The following AOAH variants were observed in gnomAD, a reference collection of about 807,000 sequenced individuals.
AOAH encodes the protein acyloxyacyl hydrolase (neutrophil).
In AOAH, 64 loss-of-function variants were observed where a neutral mutation model predicts 92.2. That is an observed-to-expected ratio of 0.69 (90% CI 0.57 to 0.86). The LOEUF is 0.86. Ranked by LOEUF, AOAH falls within the 40% of genes least tolerant of loss-of-function variation. The pLI is 0.00. For missense variants in AOAH, 656 were observed against 694.6 expected, an observed-to-expected ratio of 0.94 and a Z score of 0.62; for synonymous variants, 263 against 254.5, an observed-to-expected ratio of 1.03 and a Z score of -0.32.
At chr7:36,546,531 G>A (rs963962634) in intron 15 of AOAH, among the ~76,000 whole-genome samples, 3 of 152,228 alleles carry the variant, frequency 2.0e-5, no homozygotes, top group Non-Finnish European at 2.9e-5. Flanking sequence ...GGAGAGGCTG[G>A]CACAGGTCTC....
chr7:36,720,338 AT>A (rs201307393), intron 1 of AOAH, among the ~76,000 whole-genome samples: 2,726 of 145,546 alleles, frequency 0.019, 81 homozygotes, highest in African/African-American at 0.061. Context: ...CTATATTTAC[AT>A]TTTTTTTTTT....
chr7:36,706,311 G>T (rs1181340473), intron 1 of AOAH, among the ~76,000 whole-genome samples: 1 of 152,122 alleles, frequency 6.6e-6, no homozygotes, highest in African/African-American at 2.4e-5. Context: ...CAGGTGCATT[G>T]TCAATGAGCA....
rs141532346 is a variant in AOAH, at chr7:36,524,012, C to T, written c.1523-1897G>A. Among the ~76,000 whole-genome samples the T allele has an allele frequency of 2.1e-3, 322 of 152,146 alleles. 1 individual carries two copies. The highest frequency in any genetic ancestry group is 7.3e-3 in the African/African-American group (305 of 41,510). ...AAATCAGCAACGATGCAGAAAGGCC[C>T]GGGCCAGGTGAAATGTCAGCCTCCC... On this transcript the variant is annotated intron_variant, in intron 19 of 20. Transcript: ENST00000617537.
Position 36,567,847 on chromosome 7 carries a change from CTTG to C in AOAH, c.1021+8724_1021+8726del, listed in dbSNP as rs1443878053. ...GATGGACTGCTCCCTCACGTCTACT[CTTG>C]TTAGGATATCTCCCAGAGGCGGCAT... On this transcript the variant is annotated intron_variant, in intron 13 of 20. Coordinates refer to ENST00000617537, the MANE Select transcript of AOAH (RefSeq NM_001637.4). Among the ~76,000 whole-genome samples, 4 of 152,222 alleles carry C rather than the reference CTTG, an allele frequency of 2.6e-5. No individual in the cohort carries two copies. The East Asian group carries it at 7.7e-4, about 29-fold the overall frequency.
At chr7:36,565,667 G>A (rs1787653688) in intron 13 of AOAH, among the ~76,000 whole-genome samples, 1 of 151,616 alleles carries the variant, frequency 6.6e-6, no homozygotes. Flanking sequence ...TGAGTAGCTG[G>A]GACTATAGGT....
intron 2 of AOAH, among the ~76,000 whole-genome samples, chr7:36,675,665 CCT>C (rs1314107548): frequency 2.0e-5 from 3 of 152,062 alleles, no homozygotes; most frequent in Non-Finnish European, 2.9e-5. Context: ...TTAATATTAC[CCT>C]GATACTAAAA....
At chr7:36,702,910 T>G (rs762255387) in intron 1 of AOAH, among the ~76,000 whole-genome samples, 4 of 152,174 alleles carry the variant, frequency 2.6e-5, no homozygotes, top group Non-Finnish European at 5.9e-5. Context: ...GTAGAACTTT[T>G]CAAAATTGGA....
intron 13 of AOAH, among the ~76,000 whole-genome samples, chr7:36,557,497 T>C (rs1307159370): frequency 5.3e-5 from 8 of 151,372 alleles, no homozygotes; most frequent in African/African-American, 7.3e-5. Flanking sequence ...ATCTTTGTGG[T>C]GTTCTCTGTA....
In AOAH at chr7:36,724,189, G is replaced by A; in HGVS notation, c.-41C>T. On this transcript the variant is annotated 5_prime_UTR_variant, in exon 1 of 21. Coordinates refer to ENST00000617537, the MANE Select transcript of AOAH (RefSeq NM_001637.4). ...CCCAAGTGATCACCCGGCTTTGGAA[G>A]CTCCCAACTGAGGGATGCTGGAGCT... 2 of 1,607,044 alleles carry A rather than the reference G, an allele frequency of 1.2e-6. No homozygotes were observed. Among genetic ancestry groups the A allele is most frequent in the Non-Finnish European group, 1.7e-6 (2 of 1,175,854 alleles).
At chr7:36,645,574 T>G (rs1794176529) in intron 4 of AOAH, among the ~76,000 whole-genome samples, 1 of 152,190 alleles carries the variant, frequency 6.6e-6, no homozygotes, top group African/African-American at 2.4e-5. Flanking sequence ...TAGTGGCATG[T>G]CTAGCCTTTG....
At chr7:36,639,137 C>T (rs1303779568) in intron 4 of AOAH, among the ~76,000 whole-genome samples, 1 of 152,226 alleles carries the variant, frequency 6.6e-6, no homozygotes, top group African/African-American at 2.4e-5. Flanking sequence ...ACAAAAGCTG[C>T]TTAGAGAATG....
At chr7:36,530,674 C>A in intron 18 of AOAH, 160 bp from the exon 19 acceptor site, 3 of 557,456 alleles carry the variant, frequency 5.4e-6, no homozygotes, top group Non-Finnish European at 6.4e-6. Context: ...ATTCTAGTCA[C>A]GTACAAATGG....
intron 16 of AOAH, among the ~76,000 whole-genome samples, chr7:36,538,871 C>T (rs1323122644): frequency 2.0e-5 from 3 of 152,224 alleles, no homozygotes; most frequent in African/African-American, 7.2e-5. Flanking sequence ...ATTTGTGATA[C>T]ATGAGTAACT....
chr7:36,527,861 C>T (rs1280981997), intron 19 of AOAH, among the ~76,000 whole-genome samples: 2 of 152,146 alleles, frequency 1.3e-5, no homozygotes, highest in Non-Finnish European at 2.9e-5. Context: ...GGGTGGTTAC[C>T]CACAGAGATG....
At chr7:36,710,239 T>C (rs2116955032) in intron 1 of AOAH, among the ~76,000 whole-genome samples, 1 of 152,324 alleles carries the variant, frequency 6.6e-6, no homozygotes, top group Non-Finnish European at 1.5e-5. Flanking sequence ...TCAGTTTATT[T>C]TGGGGTAATC....
At chr7:36,674,482 G>C (rs1584088411) in intron 2 of AOAH, among the ~76,000 whole-genome samples, 1 of 152,320 alleles carries the variant, frequency 6.6e-6, no homozygotes. Context: ...GAGGTAAAAG[G>C]AGATGACAGT....
intron 6 of AOAH, among the ~76,000 whole-genome samples, chr7:36,630,524 C>A (rs1438769393): frequency 6.6e-6 from 1 of 152,170 alleles, no homozygotes; most frequent in Non-Finnish European, 1.5e-5. Flanking sequence ...AGAAGGCGAG[C>A]AATGGGGTGG....
chr7:36,715,821 A>G (rs1209313231), intron 1 of AOAH, among the ~76,000 whole-genome samples: 1 of 151,904 alleles, frequency 6.6e-6, no homozygotes, highest in Non-Finnish European at 1.5e-5. Flanking sequence ...TACAAAAATT[A>G]ATTCAAGATG....
At chr7:36,618,080 T>A (rs369602418) in intron 10 of AOAH, among the ~76,000 whole-genome samples, 3 of 152,230 alleles carry the variant, frequency 2.0e-5, no homozygotes, top group Admixed American at 1.3e-4. Context: ...ACAAATTGTT[T>A]TGCTTTTTTA....
Sources: allele counts gnomAD v4.1 joint callset (sites outside exome capture counted in the v4.1 genomes callset), GRCh38; gene constraint gnomAD v4.1.1; transcripts MANE v1.5; gene names NCBI Gene and HGNC (gene_info 2026-07-23, HGNC 2026-07-21).